Variants in FANCA observed in about 807,000 individuals in gnomAD.
FANCA encodes Fanconi anemia group A protein.
In FANCA, 236 loss-of-function variants were observed where a neutral mutation model predicts 194.3. The ratio of observed to expected loss-of-function variants is 1.21; its 90% CI spans 1.09 to 1.35. The LOEUF (loss-of-function observed/expected upper bound fraction) is 1.35, where lower values mean the gene tolerates loss of function less well. Ranked by LOEUF, FANCA falls within the 40% of genes most tolerant of loss-of-function variation. FANCA has a pLI of 0.00. For synonymous variants in FANCA, 1,014 were observed against 715.8 expected (o/e 1.42, Z -6.65); for missense variants, 2,628 against 1,813.9 (o/e 1.45, Z -8.15).
chr16:89,760,994 T>C lies in FANCA; in HGVS notation c.2852+955A>G, dbSNP rs758558390. Among the ~76,000 whole-genome samples, 96 of 152,162 alleles carry C rather than the reference T, an allele frequency of 6.3e-4. 1 individual carries two copies. Among genetic ancestry groups the C allele is most frequent in the Non-Finnish European group, 7.2e-4 (49 of 68,028 alleles). On this transcript the variant is annotated intron_variant, in intron 29 of 42. Transcript: ENST00000389301. ...TTATACGTGCCACATCTGCCCTCAT[T>C]GATACAAAGGTGCCATATGGGCAGG...
chr16:89,781,737 C>T (rs762292894), intron 17 of FANCA, among the ~76,000 whole-genome samples: 37 of 142,218 alleles, frequency 2.6e-4, no homozygotes, highest in South Asian at 1.1e-3. Flanking sequence ...TGGTGGCTCA[C>T]GCCTGTAATC....
rs578013489 is a variant in FANCA, at chr16:89,794,490, C to T, written c.1006+1416G>A. On this transcript the variant is annotated intron_variant, in intron 11 of 42. Transcript: ENST00000389301. ...GGCAGAGGTTGCAGTGAGCTGAGAT[C>T]GCACCACCACACTCCAGCCTGGGCA... is the stretch of plus-strand genomic sequence containing the variant. Among the ~76,000 whole-genome samples the T allele has an allele frequency of 3.3e-5, 5 of 152,144 alleles. No individual in the cohort carries two copies. The South Asian group carries it at 1.0e-3, about 32-fold the overall frequency.
intron 28 of FANCA, chr16:89,762,845 G>C: frequency 2.4e-6 from 1 of 416,380 alleles, no homozygotes; most frequent in Non-Finnish European, 4.8e-6. Context: ...GCTCATGCCT[G>C]TAATCCCAGC....
Position 89,738,324 on chromosome 16 carries a change from C to A in FANCA, c.*277G>T, listed in dbSNP as rs528787665. ...GTCAGCCTCACCCTTCGTGTGCACC[C>A]GCATGGGAGGGTCGGAGGGTGCTGC... On this transcript the variant is annotated 3_prime_UTR_variant, in exon 43 of 43. Transcript: ENST00000389301. The A allele has an allele frequency of 1.3e-6, 2 of 1,512,274 alleles. No homozygotes were observed. The highest frequency in any genetic ancestry group is 4.4e-4 in the Middle Eastern group (2 of 4,500). The allele number at this position is 1,512,274 out of a possible 1,614,324, so 93.7% of individuals were successfully genotyped here. A position where few individuals can be genotyped will look rare whatever the true frequency, so the allele number is the denominator to read the frequency against.
intron 14 of FANCA, among the ~76,000 whole-genome samples, chr16:89,788,271 G>C (rs756782976): frequency 1.4e-4 from 22 of 151,938 alleles, no homozygotes; most frequent in African/African-American, 5.3e-4. Flanking sequence ...GACCATCCTG[G>C]CCAACATGGT....
rs748337423 is a variant in FANCA at position 89,792,482 on chromosome 16, G to A, written c.1072C>T (p.Leu358=). Residue 358 remains leucine (L), a synonymous_variant, in exon 12 of 43, where the codon CTG becomes TTG. Coordinates refer to ENST00000389301, the MANE Select transcript of FANCA (RefSeq NM_000135.4). The stretch of plus-strand genomic sequence containing the variant: ...CCACATCCACTCACCCTGCGGTACA[G>A]TGAGGTGAGCAGAGGGTGTGTCCGC... ...FARTHPLLTS[L]YRRLFVMLSA... The A allele has an allele frequency of 2.5e-6, 4 of 1,613,308 alleles. No homozygotes were observed. Among genetic ancestry groups the A allele is most frequent in the Non-Finnish European group, 2.5e-6 (3 of 1,179,990 alleles).
rs532032511 is a variant in FANCA at position 89,765,055 on chromosome 16, G to T, written c.2613C>A (p.Leu871=). 11 of 1,614,170 alleles carry T rather than the reference G, an allele frequency of 6.8e-6. No homozygotes were observed. The highest frequency in any genetic ancestry group is 4.4e-5 in the South Asian group (4 of 91,060). The change falls in exon 28 of 43, where the codon CTC becomes CTA. Residue 871 remains leucine, a synonymous_variant. Transcript: ENST00000389301. ...GGGCCTCTGAGAACAATCTGAACAT[G>T]AGGAACTGAAACTGAAACAGAGAGT... ...SPGLIKKFQF[L]MFRLFSEARQ... is the part of the protein sequence containing the mutation.
intron 13 of FANCA, 34 bp downstream of exon 13, chr16:89,791,893 T>G: frequency 6.2e-7 from 1 of 1,613,614 alleles, no homozygotes; most frequent in Non-Finnish European, 8.5e-7. Context: ...CACACACTCT[T>G]GACCAGCACC....
chr16:89,748,418 A>G (rs542875402), intron 33 of FANCA, among the ~76,000 whole-genome samples: 1 of 152,352 alleles, frequency 6.6e-6, no homozygotes, highest in South Asian at 2.1e-4. Context: ...CTTGAGGGAA[A>G]CTAAAGGAAC....
In FANCA at chr16:89,791,398, C is replaced by G. The variant is rs183569738; in HGVS notation, c.1359+5G>C. 8.1e-6 allele frequency: 13 copies of G among 1,613,706 alleles called. No homozygotes were observed. In the Admixed American group the frequency reaches 2.2e-4, roughly 27 times the overall value. On this transcript the variant is annotated splice_donor_5th_base_variant and intron_variant, in intron 14 of 42. Transcript: ENST00000389301. The stretch of plus-strand genomic sequence containing the variant: ...TATTAGGTAGCCGATTGGCAGGTCA[C>G]TTACCTTGAACCAGTCTGCATATGA...
At chr16:89,815,032 G>A (rs1385636974) in intron 2 of FANCA, among the ~76,000 whole-genome samples, 3 of 152,050 alleles carry the variant, frequency 2.0e-5, no homozygotes, top group African/African-American at 7.2e-5. Context: ...CTTCCCTACT[G>A]GGCTATTTTC....
chr16:89,802,871 G>C (rs2040504418), intron 8 of FANCA, among the ~76,000 whole-genome samples: 1 of 152,190 alleles, frequency 6.6e-6, no homozygotes, highest in African/African-American at 2.4e-5. Context: ...AGAGTAGAAC[G>C]AGAGATACCA....
intron 30 of FANCA, among the ~76,000 whole-genome samples, chr16:89,753,458 A>T (rs1472277106): frequency 6.6e-6 from 1 of 152,254 alleles, no homozygotes; most frequent in African/African-American, 2.4e-5. Context: ...TGGTCCCTAC[A>T]CAAGGATAGC....
intron 13 of FANCA, 48 bp from the exon 14 acceptor site, chr16:89,791,584 AG>A (rs1395993396): frequency 6.2e-7 from 1 of 1,611,446 alleles, no homozygotes; most frequent in South Asian, 1.1e-5. Flanking sequence ...GGCAGCCAGC[AG>A]GAACATGACG....
Position 89,775,778 on chromosome 16 carries a change from A to C in FANCA, c.1864T>G (p.Cys622Gly), listed in dbSNP as rs1285812792. 6.2e-7 allele frequency: 1 copy of C among 1,612,992 alleles called. No individual in the cohort carries two copies. Among genetic ancestry groups the C allele is most frequent in the Middle Eastern group, 1.7e-4 (1 of 6,060 alleles). Residue 622 changes from cysteine (C) to glycine (G), a missense_variant, in exon 21 of 43, where the codon TGC (cysteine) becomes GGC (glycine). Cys to Gly is a radical substitution (Grantham distance 159, BLOSUM62 -3). Transcript: ENST00000389301. ...TCTTCAGCAGCAGAGCAGGCCTGGCAGTAGGTGGAGTACAGAGATGGGGGG... is the reference window on the plus strand; with the variant it reads ...TCTTCAGCAGCAGAGCAGGCCTGGCCGTAGGTGGAGTACAGAGATGGGGGG... Reference protein sequence around the residue: ...KIPPSLYSTYCQACSAAEEKP... With the variant: ...KIPPSLYSTYGQACSAAEEKP...
intron 33 of FANCA, among the ~76,000 whole-genome samples, 170 bp from the exon 34 acceptor site, chr16:89,747,060 G>A (rs1346214798): frequency 2.6e-5 from 4 of 152,196 alleles, no homozygotes; most frequent in Admixed American, 1.3e-4. Flanking sequence ...TGGCTGTGCT[G>A]TCCTGAAACT....
At chr16:89,797,099 G>A (rs1297358014) in intron 10 of FANCA, among the ~76,000 whole-genome samples, 1 of 152,208 alleles carries the variant, frequency 6.6e-6, no homozygotes, top group Non-Finnish European at 1.5e-5. Flanking sequence ...AGCGGAGCTT[G>A]CAGTGAGCAG....
chr16:89,742,731 C>G, intron 37 of FANCA, 69 bp downstream of exon 37: 1 of 1,565,518 alleles, frequency 6.4e-7, no homozygotes, highest in Non-Finnish European at 8.8e-7. Context: ...CAGACAAGCC[C>G]AGAGAAATAG....
intron 39 of FANCA, 153 bp from the exon 40 acceptor site, chr16:89,739,706 C>A: frequency 6.7e-7 from 1 of 1,502,788 alleles, no homozygotes; most frequent in Non-Finnish European, 8.9e-7. Flanking sequence ...ACCCAGGTAC[C>A]TGTCAGCAGC....
Sources: allele counts gnomAD v4.1 joint callset (sites outside exome capture counted in the v4.1 genomes callset), GRCh38; gene constraint gnomAD v4.1.1; transcripts MANE v1.5; gene names NCBI Gene and HGNC (gene_info 2026-07-23, HGNC 2026-07-21).